The following SLC35F3 variants were observed in gnomAD, a reference collection of about 807,000 sequenced individuals.
The protein encoded by SLC35F3 is solute carrier family 35 member F3.
SLC35F3 carries 25 observed loss-of-function variants against 49.9 expected under a neutral mutation model. The observed-to-expected ratio is 0.50, with a 90% CI of 0.37 to 0.70. The LOEUF (loss-of-function observed/expected upper bound fraction) is 0.70, where lower values mean the gene tolerates loss of function less well. Ranked by LOEUF, SLC35F3 falls within the 30% of genes least tolerant of loss-of-function variation. SLC35F3 has a pLI of 0.00. For missense variants in SLC35F3, 525 were observed against 639.8 expected (o/e 0.82, Z 1.94); for synonymous variants, 275 against 265.4 (o/e 1.04, Z -0.35).
In SLC35F3 at chr1:233,974,100, C is replaced by T. The variant is rs1447186034; in HGVS notation, c.283+68342C>T. On this transcript the variant is annotated intron_variant, in intron 2 of 7. Transcript: ENST00000366618. ...CAATGTTCTTTTCGTTCCCTGAAAA[C>T]GTTAGTTTTCCAGGAAAAAGCTAAA... 4.0e-5 allele frequency among the ~76,000 whole-genome samples: 6 copies of T among 149,416 alleles called. No homozygotes were observed. The East Asian group carries it at 6.1e-4, about 15-fold the overall frequency.
chr1:234,190,757 G>A (rs1666718018), intron 2 of SLC35F3, among the ~76,000 whole-genome samples: 1 of 152,186 alleles, frequency 6.6e-6, no homozygotes, highest in Non-Finnish European at 1.5e-5. Context: ...AACAACCACA[G>A]AATATACATT....
chr1:234,039,924 G>T (rs543345517), intron 2 of SLC35F3, among the ~76,000 whole-genome samples: 33 of 152,298 alleles, frequency 2.2e-4, no homozygotes, highest in African/African-American at 7.9e-4. Flanking sequence ...AGCTCAGTGG[G>T]CCCTCTGCCT....
intron 3 of SLC35F3, among the ~76,000 whole-genome samples, chr1:234,286,084 G>A (rs568162482): frequency 5.3e-5 from 8 of 152,282 alleles, no homozygotes; most frequent in East Asian, 3.9e-4. Flanking sequence ...TAGTGATATC[G>A]TATGTGTTAA....
At chr1:234,322,962 C>A in intron 7 of SLC35F3, 46 bp from the exon 8 acceptor site, 1 of 1,557,842 alleles carries the variant, frequency 6.4e-7, no homozygotes, top group Non-Finnish European at 8.8e-7. Flanking sequence ...CAGGGACATG[C>A]CCCCAACCCT....
At chr1:234,260,279 C>T (rs996688359) in intron 3 of SLC35F3, among the ~76,000 whole-genome samples, 1 of 152,142 alleles carries the variant, frequency 6.6e-6, no homozygotes, top group Non-Finnish European at 1.5e-5. Context: ...TTCTGCACTT[C>T]GTGAAAGGCT....
chr1:234,241,604 A>G (rs502124), intron 3 of SLC35F3, among the ~76,000 whole-genome samples: 123,070 of 151,930 alleles, frequency 0.81, 50,338 homozygotes, highest in African/African-American at 0.93. Context: ...GCATGGTAGC[A>G]CATGCCTGTA....
chr1:233,907,076 T>C (rs1208534369), intron 2 of SLC35F3, among the ~76,000 whole-genome samples: 1 of 152,206 alleles, frequency 6.6e-6, no homozygotes, highest in African/African-American at 2.4e-5. Flanking sequence ...TTAAACCCCA[T>C]TGGAAACCAT....
intron 2 of SLC35F3, among the ~76,000 whole-genome samples, chr1:233,913,509 G>C (rs1661917619): frequency 6.6e-6 from 1 of 152,146 alleles, no homozygotes; most frequent in Admixed American, 6.5e-5. Context: ...CTAGGGGCAG[G>C]GCTTGTTATT....
At chr1:234,290,814 C>A (rs1668495214) in intron 3 of SLC35F3, among the ~76,000 whole-genome samples, 1 of 152,200 alleles carries the variant, frequency 6.6e-6, no homozygotes, top group Non-Finnish European at 1.5e-5. Flanking sequence ...TGAACCAGGA[C>A]ATTAAAGAAC....
intron 2 of SLC35F3, among the ~76,000 whole-genome samples, chr1:234,101,380 A>G (rs893729958): frequency 1.3e-5 from 2 of 152,190 alleles, no homozygotes; most frequent in African/African-American, 4.8e-5. Flanking sequence ...GACACTCCTG[A>G]AAACTGGAAG....
intron 2 of SLC35F3, among the ~76,000 whole-genome samples, chr1:233,997,621 T>G (rs1663482043): frequency 6.6e-6 from 1 of 152,204 alleles, no homozygotes; most frequent in Non-Finnish European, 1.5e-5. Context: ...TCGTTCTCCC[T>G]GGGGGCACAC....
chr1:234,316,258 G>A (rs1412594552), intron 4 of SLC35F3, among the ~76,000 whole-genome samples: 1 of 152,196 alleles, frequency 6.6e-6, no homozygotes, highest in African/African-American at 2.4e-5. Context: ...TATCTACCAG[G>A]CTTGTCATGA....
rs1366629302 is a variant in SLC35F3 at position 234,231,483 on chromosome 1, G to A, written c.350G>A (p.Gly117Asp). 5.0e-6 allele frequency: 8 copies of A among 1,612,056 alleles called. No homozygotes were observed. In the African/African-American group the frequency reaches 6.7e-5, roughly 13 times the overall value. Residue 117 changes from glycine to aspartate, a missense_variant, in exon 3 of 8, where the codon GGC becomes GAC. Gly to Asp is a moderately conservative substitution (Grantham distance 94). Transcript: ENST00000366618. The surrounding 1 kb of genome is among the most constrained non-coding windows in gnomAD (Gnocchi z 5.4). Reference sequence around the variant, plus strand: ...CAGGCACCGGCCGGGGTGGAGGCCGGCGGGAGAGCGAGTCGCCGCTGCTGG... The same window carrying A: ...CAGGCACCGGCCGGGGTGGAGGCCGACGGGAGAGCGAGTCGCCGCTGCTGG... ...EAQAPAGVEAGGRASRRCWTC... is the reference protein window; with the variant it reads ...EAQAPAGVEADGRASRRCWTC...
chr1:234,156,086 A>C (rs779781001), intron 2 of SLC35F3, among the ~76,000 whole-genome samples: 14 of 152,178 alleles, frequency 9.2e-5, no homozygotes, highest in Non-Finnish European at 1.8e-4. Flanking sequence ...ATATATGAAA[A>C]GGTTTCAAAA....
intron 2 of SLC35F3, among the ~76,000 whole-genome samples, chr1:233,912,144 C>T (rs1259995751): frequency 6.6e-6 from 1 of 152,132 alleles, no homozygotes; most frequent in East Asian, 1.9e-4. Context: ...AAATAGAATT[C>T]ACATCCCAGC....
chr1:234,036,663 C>T (rs962132233), intron 2 of SLC35F3, among the ~76,000 whole-genome samples: 4 of 152,134 alleles, frequency 2.6e-5, no homozygotes, highest in African/African-American at 4.8e-5. Context: ...TTGTCAGTGT[C>T]GGGAGGGACA....
rs1483766596 is a variant in SLC35F3 at position 233,957,211 on chromosome 1, T to G, written c.283+51453T>G. The stretch of plus-strand genomic sequence containing the variant: ...AGTTTCCAGAGTGGGAGGAGATTGT[T>G]TTATGTCAGATATGAAATTGGATTT... On this transcript the variant is annotated intron_variant, in intron 2 of 7. Transcript: ENST00000366618. The surrounding 1 kb of genome is among the most constrained non-coding windows in gnomAD (Gnocchi z 4.0). 6.6e-6 allele frequency among the ~76,000 whole-genome samples: 1 copy of G among 152,172 alleles called. No homozygotes were observed. Among genetic ancestry groups the G allele is most frequent in the African/African-American group, 2.4e-5 (1 of 41,454 alleles).
intron 2 of SLC35F3, among the ~76,000 whole-genome samples, chr1:234,120,304 G>T (rs573901887): frequency 2.6e-5 from 4 of 152,290 alleles, no homozygotes; most frequent in Non-Finnish European, 4.4e-5. Context: ...AAAGTATTGG[G>T]AGTCAGTGCT....
chr1:234,016,343 C>T lies in SLC35F3; in HGVS notation c.283+110585C>T, dbSNP rs1414268129. Among the ~76,000 whole-genome samples the T allele has an allele frequency of 5.3e-5, 8 of 152,206 alleles. No individual in the cohort carries two copies. In the East Asian group the frequency reaches 1.5e-3, roughly 29 times the overall value. ...TGTTGAAGAGCTATCTGCACTCTCA[C>T]TTTCATTGTGTTATGGTTCACCATA... is the stretch of plus-strand genomic sequence containing the variant. On this transcript the variant is annotated intron_variant, in intron 2 of 7. Coordinates refer to ENST00000366618, the MANE Select transcript of SLC35F3 (RefSeq NM_173508.4).
Sources: allele counts gnomAD v4.1 joint callset (sites outside exome capture counted in the v4.1 genomes callset), GRCh38; gene constraint gnomAD v4.1.1; non-coding constraint Gnocchi (gnomAD v3.1); transcripts MANE v1.5; gene names NCBI Gene and HGNC (gene_info 2026-07-23, HGNC 2026-07-21).